The following CPT1C variants were observed in gnomAD, a reference collection of about 807,000 sequenced individuals.
CPT1C encodes the protein palmitoyl thioesterase CPT1C.
In CPT1C, 61 loss-of-function variants were observed where a neutral mutation model predicts 97.3. The observed-to-expected ratio is 0.63, with a 90% CI of 0.51 to 0.78. The LOEUF (loss-of-function observed/expected upper bound fraction) is 0.78, where lower values mean the gene tolerates loss of function less well. Ranked by LOEUF, CPT1C falls within the 30% of genes least tolerant of loss-of-function variation. The probability of loss-of-function intolerance (pLI) is 0.00; values close to 1 mark genes in which losing one functional copy is unlikely to be tolerated. For missense variants in CPT1C, 975 were observed against 1,065.5 expected (o/e 0.92, Z 1.18); for synonymous variants, 469 against 447.2 (o/e 1.05, Z -0.61).
intron 8 of CPT1C, 46 bp downstream of exon 8, chr19:49,704,833 G>A: frequency 1.3e-6 from 2 of 1,562,020 alleles, no homozygotes; most frequent in South Asian, 1.1e-5. Context: ...GTCTAGGGTT[G>A]GGGGGTACCT....
chr19:49,692,183 C>G (rs1331969710), intron 2 of CPT1C, 56 bp from the exon 3 acceptor site: 2 of 1,582,118 alleles, frequency 1.3e-6, no homozygotes, highest in Non-Finnish European at 1.7e-6. Flanking sequence ...GGCCTGGACT[C>G]CTGAGTCTGA....
rs1209884327 is a variant in CPT1C, at chr19:49,705,000, T to A, written c.772-7T>A. On this transcript the variant is annotated splice_region_variant and splice_polypyrimidine_tract_variant and intron_variant, in intron 8 of 19. Coordinates refer to ENST00000598293, the MANE Select transcript of CPT1C (RefSeq NM_001199753.2). ...GGTGTTTTGCCATCCCCTCTCCTGG[T>A]CCCCAGGACTTCCTGTATGTCACAC... 3 of 1,581,552 alleles carry A rather than the reference T, an allele frequency of 1.9e-6. No individual in the cohort carries two copies. Among genetic ancestry groups the A allele is most frequent in the Non-Finnish European group, 1.7e-6 (2 of 1,159,132 alleles).
intron 7 of CPT1C, among the ~76,000 whole-genome samples, chr19:49,703,127 C>T (rs1424477132): frequency 7.0e-6 from 1 of 142,634 alleles, no homozygotes; most frequent in East Asian, 2.2e-4. Context: ...TTCCTTCCCT[C>T]CCTCCCTCCC....
At position 49,701,610 on chromosome 19, in the gene CPT1C, C is replaced by A. The variant is rs756253927; in HGVS notation, c.669C>A (p.Leu223=). 1 of 1,607,892 alleles carries A rather than the reference C, an allele frequency of 6.2e-7. No individual in the cohort carries two copies. Among genetic ancestry groups the A allele is most frequent in the Non-Finnish European group, 8.5e-7 (1 of 1,176,086 alleles). ...CGCTGCTGCAGTGGTACCTGCGGCTCAAGTCCTGGTGGGCGTCCAATTATG... is the reference window on the plus strand; with the variant it reads ...CGCTGCTGCAGTGGTACCTGCGGCTAAAGTCCTGGTGGGCGTCCAATTATG... ...QASLLQWYLR[L]KSWWASNYVS... Residue 223 remains leucine, a synonymous_variant, in exon 7 of 20, where the codon CTC becomes CTA. Transcript: ENST00000598293.
At chr19:49,698,573 T>C (rs1442837767) in intron 4 of CPT1C, among the ~76,000 whole-genome samples, 1 of 150,278 alleles carries the variant, frequency 6.7e-6, no homozygotes, top group South Asian at 2.1e-4. Context: ...TAAGGCAGGA[T>C]AATCACTTGA....
At chr19:49,699,753 G>A (rs11671797) in intron 4 of CPT1C, among the ~76,000 whole-genome samples, 3 of 152,094 alleles carry the variant, frequency 2.0e-5, no homozygotes, top group South Asian at 2.1e-4. Flanking sequence ...TCAGGAGTTC[G>A]AGAGCCGCCT....
intron 4 of CPT1C, among the ~76,000 whole-genome samples, chr19:49,699,089 A>C (rs1279576672): frequency 6.6e-6 from 1 of 151,970 alleles, no homozygotes; most frequent in East Asian, 1.9e-4. Context: ...GGCGACAGAG[A>C]GAGACTCCGT....
chr19:49,701,789 A>G (rs900736310), intron 7 of CPT1C, among the ~76,000 whole-genome samples, 155 bp downstream of exon 7: 1 of 143,744 alleles, frequency 7.0e-6, no homozygotes, highest in South Asian at 2.1e-4. Flanking sequence ...CCGCTCACAT[A>G]CATCTATATC....
chr19:49,699,582 A>G (rs2082879318), intron 4 of CPT1C, among the ~76,000 whole-genome samples: 1 of 151,964 alleles, frequency 6.6e-6, no homozygotes, highest in Non-Finnish European at 1.5e-5. Flanking sequence ...TTGCAAACAA[A>G]CATGTTGATT....
chr19:49,708,842 G>A lies in CPT1C; in HGVS notation c.1566+3G>A, dbSNP rs777008885. ...TGCAATGGGACCTTCCAGACCAGGT[G>A]AGGCTGGGTTTCTGGGCCTCTCCTC... On this transcript the variant is annotated splice_donor_region_variant and intron_variant, in intron 14 of 19. Coordinates refer to ENST00000598293, the MANE Select transcript of CPT1C (RefSeq NM_001199753.2). 2.5e-6 allele frequency: 4 copies of A among 1,597,142 alleles called. No homozygotes were observed. Among genetic ancestry groups the A allele is most frequent in the Non-Finnish European group, 2.6e-6 (3 of 1,165,924 alleles).
In CPT1C at chr19:49,697,308, G is replaced by A. The variant is rs1224115034; in HGVS notation, c.142-18G>A. The A allele has an allele frequency of 1.9e-6, 3 of 1,613,480 alleles. No individual in the cohort carries two copies. Among genetic ancestry groups the A allele is most frequent in the African/African-American group, 2.7e-5 (2 of 74,890 alleles). ...GGAGAGGGCAGATGATTCAATGGATGCCCTTTCCTCCCCACAGAATGACTT... is the reference window on the plus strand; with the variant it reads ...GGAGAGGGCAGATGATTCAATGGATACCCTTTCCTCCCCACAGAATGACTT... On this transcript the variant is annotated intron_variant, in intron 3 of 19. Coordinates refer to ENST00000598293, the MANE Select transcript of CPT1C (RefSeq NM_001199753.2).
chr19:49,705,966 T>G lies in CPT1C; in HGVS notation c.1022T>G (p.Phe341Cys). The G allele has an allele frequency of 6.2e-7, 1 of 1,613,894 alleles. No individual in the cohort carries two copies. Among genetic ancestry groups the G allele is most frequent in the Non-Finnish European group, 8.5e-7 (1 of 1,179,932 alleles). Residue 341 changes from phenylalanine to cysteine, a missense_variant, in exon 11 of 20, where the codon TTC becomes TGC. Transcript: ENST00000598293. ...GTGGCTGTCTTCCACCGGGGCCGAT[T>G]CTTCCGCATGGGGACCCACTCCCGA... Reference protein sequence around the residue: ...QHVAVFHRGRFFRMGTHSRNS... With the variant: ...QHVAVFHRGRCFRMGTHSRNS...
chr19:49,703,070 TACAC>T (rs72113209), intron 7 of CPT1C, among the ~76,000 whole-genome samples: 47,602 of 143,846 alleles, frequency 0.33, 8,277 homozygotes, highest in African/African-American at 0.45. Flanking sequence ...AGATTCTGTT[TACAC>T]ACACACACAC....
At position 49,701,606 on chromosome 19, in the gene CPT1C, G is replaced by T; in HGVS notation, c.665G>T (p.Arg222Leu). ...LQASLLQWYL[R>L]LKSWWASNYV... ...GCGTCGCTGCTGCAGTGGTACCTGC[G>T]GCTCAAGTCCTGGTGGGCGTCCAAT... The change falls in exon 7 of 20, where the codon CGG (arginine) becomes CTG (leucine). Residue 222 changes from arginine to leucine, a missense_variant. Around this residue, in one of 3 missense-constraint regions of CPT1C, gnomAD observed 596 missense variants for 603.1 expected, o/e 0.99. Transcript: ENST00000598293. The T allele has an allele frequency of 6.2e-7, 1 of 1,608,460 alleles. No individual in the cohort carries two copies. Among genetic ancestry groups the T allele is most frequent in the East Asian group, 2.2e-5 (1 of 44,640 alleles).
At position 49,713,515 on chromosome 19, in the gene CPT1C, G is replaced by T. The variant is rs572300945; in HGVS notation, c.2322G>T (p.Gly774=). The T allele has an allele frequency of 6.2e-7, 1 of 1,614,238 alleles. No homozygotes were observed. Among genetic ancestry groups the T allele is most frequent in the Non-Finnish European group, 8.5e-7 (1 of 1,180,046 alleles). ...AGQHFKRRFR[G]SGKENSRHRC... ...AGCATTTTAAGCGCCGGTTCAGAGG[G>T]TCAGGGAAGGAGAACTCCAGGCACA... The change falls in exon 20 of 20, where the codon GGG becomes GGT. Residue 774 remains glycine, a synonymous_variant. Coordinates refer to ENST00000598293, the MANE Select transcript of CPT1C (RefSeq NM_001199753.2).
chr19:49,712,112 G>A, intron 17 of CPT1C, 151 bp downstream of exon 17: 1 of 941,204 alleles, frequency 1.1e-6, no homozygotes, highest in Non-Finnish European at 1.5e-6. Flanking sequence ...GGAAGCCGAG[G>A]CAGGCGGATC....
intron 3 of CPT1C, among the ~76,000 whole-genome samples, chr19:49,693,778 G>A (rs1267119877): frequency 6.6e-6 from 1 of 151,926 alleles, no homozygotes; most frequent in East Asian, 1.9e-4. Context: ...ATAAAGACAG[G>A]TCGGGCACGG....
intron 3 of CPT1C, 54 bp downstream of exon 3, chr19:49,692,447 G>A (rs2082409067): frequency 1.3e-6 from 2 of 1,598,438 alleles, no homozygotes; most frequent in South Asian, 1.1e-5. Context: ...TCTGCTTCCG[G>A]GATGTCTGAG....
At chr19:49,709,843 A>C (rs2083740541) in intron 14 of CPT1C, among the ~76,000 whole-genome samples, 2 of 146,774 alleles carry the variant, frequency 1.4e-5, no homozygotes. Flanking sequence ...GGCGTGAGCC[A>C]CCGCGCCCGG....
Sources: allele counts gnomAD v4.1 joint callset (sites outside exome capture counted in the v4.1 genomes callset), GRCh38; gene constraint gnomAD v4.1.1; regional missense constraint gnomAD v4.1.1; transcripts MANE v1.5; gene names NCBI Gene and HGNC (gene_info 2026-07-23, HGNC 2026-07-21).